PKD2L2: variants seen among roughly 807,000 people sequenced by gnomAD.
PKD2L2 encodes polycystin-2-like protein 2.
A neutral mutation model predicts 83.9 loss-of-function variants in PKD2L2; 67 were observed. That is an observed-to-expected ratio of 0.80 (90% confidence interval 0.66 to 0.98). The LOEUF (loss-of-function observed/expected upper bound fraction) is 0.98. PKD2L2 is among the 50% of genes least tolerant of loss of function. The pLI is 0.00. For synonymous variants in PKD2L2, 223 were observed against 237.8 expected, an observed-to-expected ratio of 0.94 and a Z score of 0.57; for missense variants, 632 against 717.2, an observed-to-expected ratio of 0.88 and a Z score of 1.36.
At chr5:137,910,177 G>A (rs1757695524) in intron 8 of PKD2L2, among the ~76,000 whole-genome samples, 1 of 151,304 alleles carries the variant, frequency 6.6e-6, no homozygotes, top group Middle Eastern at 3.4e-3. Context: ...AGTGAGCTAT[G>A]ATCACACCAC....
At position 137,925,035 on chromosome 5, in the gene PKD2L2, C is replaced by T. The variant is rs368743237; in HGVS notation, c.1552-5C>T. ...CATTTTCAAACTATTTTAAATTATG[C>T]CCAGAGTTACAAAAATGTTCTCGAG... On this transcript the variant is annotated splice_region_variant and splice_polypyrimidine_tract_variant and intron_variant, in intron 10 of 14. Transcript: ENST00000508883. 3.9e-6 allele frequency: 6 copies of T among 1,551,242 alleles called. No individual in the cohort carries two copies. The African/African-American group carries it at 5.4e-5, about 14-fold the overall frequency.
intron 14 of PKD2L2, among the ~76,000 whole-genome samples, chr5:137,940,726 G>C (rs1761457248): frequency 6.6e-6 from 1 of 152,162 alleles, no homozygotes; most frequent in Admixed American, 6.5e-5. Flanking sequence ...AGTGAATTGA[G>C]ATGTAAAAGT....
rs1756077331 is a variant in PKD2L2, at chr5:137,892,518, A to C, written c.172A>C (p.Asn58His). 6.2e-7 allele frequency: 1 copy of C among 1,601,074 alleles called. No homozygotes were observed. Among genetic ancestry groups the C allele is most frequent in the African/African-American group, 1.3e-5 (1 of 74,624 alleles). The change falls in exon 3 of 15, where the codon AAC (asparagine) becomes CAC (histidine). Residue 58 changes from asparagine (N) to histidine (H), a missense_variant. Around this residue, in one of 3 missense-constraint regions of PKD2L2, gnomAD observed 229 missense variants for 281.5 expected, o/e 0.81. Coordinates refer to ENST00000508883, the MANE Select transcript of PKD2L2 (RefSeq NM_001300921.2). ...GMVNPHMYYL[N>H]KVMSSLFLDT... The stretch of plus-strand genomic sequence containing the variant: ...GGTAAACCCACATATGTATTACTTA[A>C]ACAAGGTTATGTCATCTCTATTTTT...
intron 14 of PKD2L2, chr5:137,942,088 A>G: frequency 6.7e-7 from 1 of 1,499,186 alleles, no homozygotes; most frequent in South Asian, 1.1e-5. Flanking sequence ...CACTTGATTC[A>G]TTATATTCTT....
chr5:137,915,995 T>C (rs2150034817), intron 8 of PKD2L2, among the ~76,000 whole-genome samples: 1 of 151,772 alleles, frequency 6.6e-6, no homozygotes, highest in East Asian at 1.9e-4. Flanking sequence ...AATGTCTTCA[T>C]TTCTCCCTCA....
At chr5:137,923,742 C>G (rs1377231649) in intron 10 of PKD2L2, among the ~76,000 whole-genome samples, 1 of 151,992 alleles carries the variant, frequency 6.6e-6, no homozygotes, top group Admixed American at 6.6e-5. Context: ...AAAAATGTAG[C>G]CAAAATTATT....
Position 137,940,406 on chromosome 5 carries a change from A to C in PKD2L2, c.*18-1978A>C, listed in dbSNP as rs1761304226. On this transcript the variant is annotated intron_variant, in intron 14 of 14. Coordinates refer to ENST00000508883, the MANE Select transcript of PKD2L2 (RefSeq NM_001300921.2). ...GAGATCATTTGGAAAAAAAGATCCA[A>C]AAGTTGTCTTAATATGAGACATACT... 3.1e-6 allele frequency: 4 copies of C among 1,305,446 alleles called. No homozygotes were observed. The Admixed American group carries it at 8.8e-5, about 29-fold the overall frequency. 80.9% of individuals were successfully genotyped at this position (1,305,446 alleles called of 1,614,324 possible). A position where few individuals can be genotyped will look rare whatever the true frequency, so the allele number is the denominator to read the frequency against.
chr5:137,892,327 TTA>T (rs1202111091), intron 2 of PKD2L2, among the ~76,000 whole-genome samples, 151 bp from the exon 3 acceptor site: 3 of 152,254 alleles, frequency 2.0e-5, no homozygotes, highest in Admixed American at 6.5e-5. Context: ...ATCCTACTTT[TTA>T]TATTTCTAGT....
intron 12 of PKD2L2, among the ~76,000 whole-genome samples, chr5:137,926,729 A>T (rs144747789): frequency 6.6e-6 from 1 of 152,320 alleles, no homozygotes; most frequent in Non-Finnish European, 1.5e-5. Flanking sequence ...AGGGCTGGAA[A>T]GTACAGCTGC....
At chr5:137,923,073 G>A (rs1436307951) in intron 9 of PKD2L2, among the ~76,000 whole-genome samples, 2 of 148,296 alleles carry the variant, frequency 1.3e-5, no homozygotes, top group East Asian at 3.9e-4. Context: ...GTGCAGTGGT[G>A]CGATCTCACT....
chr5:137,940,003 GGA>G (rs1380099201), intron 14 of PKD2L2: 2 of 1,598,078 alleles, frequency 1.3e-6, no homozygotes, highest in Non-Finnish European at 1.7e-6. Context: ...TGCTAAAGGT[GGA>G]GAGGACAGTC....
intron 4 of PKD2L2, among the ~76,000 whole-genome samples, chr5:137,895,203 C>G (rs548735291): frequency 2.0e-5 from 3 of 152,198 alleles, no homozygotes; most frequent in East Asian, 3.9e-4. Context: ...CATGGTGGCT[C>G]ACACCTGTAA....
chr5:137,899,400 A>T, intron 4 of PKD2L2, 116 bp from the exon 5 acceptor site: 1 of 689,318 alleles, frequency 1.5e-6, no homozygotes, highest in Non-Finnish European at 2.5e-6. Context: ...TACAGGCATG[A>T]GCCAGCGCAC....
intron 7 of PKD2L2, among the ~76,000 whole-genome samples, chr5:137,908,318 T>A (rs1757525520): frequency 6.6e-6 from 1 of 151,964 alleles, no homozygotes; most frequent in African/African-American, 2.4e-5. Context: ...CCAGGCACGG[T>A]GGCTCACGCC....
chr5:137,917,949 TGCACTTTGGGAGCCTCCTA>T, intron 8 of PKD2L2, among the ~76,000 whole-genome samples: 1 of 152,178 alleles, frequency 6.6e-6, no homozygotes, highest in Non-Finnish European at 1.5e-5. Flanking sequence ...TTGGAGCCAT[TGCACTTTGGGAGCCTCCTA>T]GCAGTTTGGG....
intron 5 of PKD2L2, among the ~76,000 whole-genome samples, chr5:137,903,943 A>G (rs1757162357): frequency 6.6e-6 from 1 of 152,064 alleles, no homozygotes; most frequent in African/African-American, 2.4e-5. Flanking sequence ...TTTAGTAGAG[A>G]CGGGGTTTCG....
At chr5:137,918,387 C>G (rs1758571757) in intron 8 of PKD2L2, among the ~76,000 whole-genome samples, 1 of 152,118 alleles carries the variant, frequency 6.6e-6, no homozygotes, top group African/African-American at 2.4e-5. Context: ...AGATAACAGC[C>G]CTTTAAATCC....
chr5:137,907,912 G>A lies in PKD2L2; in HGVS notation c.1146G>A (p.Lys382=). The change falls in exon 7 of 15, where the codon AAG becomes AAA. Residue 382 remains lysine (K), a splice_region_variant and synonymous_variant. Coordinates refer to ENST00000508883, the MANE Select transcript of PKD2L2 (RefSeq NM_001300921.2). The part of the protein sequence containing the change: ...IAITIFFAWI[K]IFKFISFNKT... ...TTACCATCTTTTTTGCATGGATAAA[G>A]GTATTTATATTTCATTATATTACAT... The A allele has an allele frequency of 7.8e-7, 1 of 1,278,898 alleles. No individual in the cohort carries two copies. Among genetic ancestry groups the A allele is most frequent in the Non-Finnish European group, 1.1e-6 (1 of 911,884 alleles). The allele number at this position is 1,278,898 out of a possible 1,614,324, so 79.2% of individuals were successfully genotyped here.
At chr5:137,913,626 G>A (rs1758054758) in intron 8 of PKD2L2, among the ~76,000 whole-genome samples, 1 of 151,834 alleles carries the variant, frequency 6.6e-6, no homozygotes, top group Non-Finnish European at 1.5e-5. Context: ...GAGTAGCTGG[G>A]ACTATAGGCA....
Sources: allele counts gnomAD v4.1 joint callset (sites outside exome capture counted in the v4.1 genomes callset), GRCh38; gene constraint gnomAD v4.1.1; regional missense constraint gnomAD v4.1.1; transcripts MANE v1.5; gene names NCBI Gene and HGNC (gene_info 2026-07-23, HGNC 2026-07-21).